ARAP1: variants seen among roughly 807,000 people sequenced by gnomAD.
The protein encoded by ARAP1 is arf-GAP with Rho-GAP domain, ANK repeat and PH domain-containing protein 1.
ARAP1 carries 76 observed loss-of-function variants against 172.2 expected under a neutral mutation model. The ratio of observed to expected loss-of-function variants is 0.44; its 90% confidence interval spans 0.37 to 0.53. ARAP1 has a LOEUF of 0.53. Among genes scored for constraint, ARAP1 ranks in the 20% least tolerant of loss-of-function variants. The pLI is 0.00. For synonymous variants in ARAP1, 804 were observed against 803.3 expected, an observed-to-expected ratio of 1.00 and a Z score of -0.01; for missense variants, 1,686 against 1,977.5, an observed-to-expected ratio of 0.85 and a Z score of 2.80.
At chr11:72,727,753 T>G (rs1240536900) in intron 2 of ARAP1, among the ~76,000 whole-genome samples, 1 of 152,238 alleles carries the variant, frequency 6.6e-6, no homozygotes, top group Non-Finnish European at 1.5e-5. Flanking sequence ...TCACATGGCC[T>G]CTGGGGGCCT....
In ARAP1 at chr11:72,695,745, GA is replaced by G. The variant is rs1856160353; in HGVS notation, c.3392del (p.Leu1131ProfsTer27). 6.2e-7 allele frequency: 1 copy of G among 1,614,092 alleles called. No homozygotes were observed. Among genetic ancestry groups the G allele is most frequent in the Non-Finnish European group, 8.5e-7 (1 of 1,180,042 alleles). ...DYKAGRVVEDLINHYVVVFSV... is the reference protein window; with the variant it reads ...DYKAGRVVEDXINHYVVVFSV... ...TAAACACCACCACATAGTGGTTAAT[GA>G]GGTCTTCCACCACACGGCCAGCCTT... On this transcript the variant is annotated frameshift_variant, in exon 24 of 35. Transcript: ENST00000393609. LOFTEE classifies it high-confidence loss of function. This position sits in a 1 kb window ranked among gnomAD's most constrained non-coding sequence, Gnocchi z 4.4.
intron 15 of ARAP1, among the ~76,000 whole-genome samples, chr11:72,702,562 G>A (rs1157247330): frequency 6.6e-6 from 1 of 152,188 alleles, no homozygotes; most frequent in Non-Finnish European, 1.5e-5. Context: ...CAGCAACACA[G>A]ACACACTCTG....
In ARAP1 at chr11:72,727,053, G is replaced by T. The variant is rs753434475; in HGVS notation, c.76C>A (p.Leu26Ile). 14 of 1,610,732 alleles carry T rather than the reference G, an allele frequency of 8.7e-6. No homozygotes were observed. Among genetic ancestry groups the T allele is most frequent in the Non-Finnish European group, 1.2e-5 (14 of 1,178,568 alleles). The change falls in exon 3 of 35, where the codon CTC becomes ATC. Residue 26 changes from leucine to isoleucine, a missense_variant. By Grantham distance (5) the Leu-to-Ile change is conservative (BLOSUM62 2). This residue lies in a region of ARAP1 where 190 missense variants were observed against 228.6 expected (regional missense o/e 0.83). Transcript: ENST00000393609. ...RALHLEQYTGLFEQHGLVWAT... is the reference protein window; with the variant it reads ...RALHLEQYTGIFEQHGLVWAT... ...CACACCAGGCCATGCTGCTCAAAGA[G>T]CCCCGTGTACTGCTCCAGGTGCAAT...
chr11:72,709,863 G>A lies in ARAP1; in HGVS notation c.1523+7C>T, dbSNP rs1306494513. ...GATGCCGGTGAGCCAAGAAGATGGAGGGTCACCTGAAGATGCGGTAGGGCG... is the reference window on the plus strand; with the variant it reads ...GATGCCGGTGAGCCAAGAAGATGGAAGGTCACCTGAAGATGCGGTAGGGCG... On this transcript the variant is annotated splice_region_variant and intron_variant, in intron 11 of 34. Coordinates refer to ENST00000393609, the MANE Select transcript of ARAP1 (RefSeq NM_001040118.3). 1.2e-6 allele frequency: 2 copies of A among 1,613,728 alleles called. No individual in the cohort carries two copies. The highest frequency in any genetic ancestry group is 1.3e-5 in the African/African-American group (1 of 74,894).
At chr11:72,713,842 A>G (rs75210689) in intron 4 of ARAP1, among the ~76,000 whole-genome samples, 41 of 140,930 alleles carry the variant, frequency 2.9e-4, no homozygotes, top group African/African-American at 1.1e-3. Flanking sequence ...GCGAGACTCC[A>G]TCTCAAAAAA....
intron 1 of ARAP1, among the ~76,000 whole-genome samples, chr11:72,743,218 C>T (rs183576396): frequency 5.9e-5 from 9 of 152,318 alleles, no homozygotes; most frequent in East Asian, 1.9e-4. Flanking sequence ...GCTAGGACAA[C>T]GTCAAGAAAA....
chr11:72,731,177 T>C (rs535796103), intron 2 of ARAP1, among the ~76,000 whole-genome samples: 4 of 152,194 alleles, frequency 2.6e-5, no homozygotes, highest in South Asian at 4.1e-4. Context: ...CAGTGGAAGA[T>C]GCAGAGTTCA....
intron 2 of ARAP1, among the ~76,000 whole-genome samples, chr11:72,727,492 G>A (rs1396138409): frequency 6.6e-6 from 1 of 152,208 alleles, no homozygotes; most frequent in Non-Finnish European, 1.5e-5. Flanking sequence ...ACTGCCGTGA[G>A]AATGGCCAGT....
Position 72,693,124 on chromosome 11 carries a change from A to G in ARAP1, c.3954+201T>C. 1 of 783,614 alleles carries G rather than the reference A, an allele frequency of 1.3e-6. No individual in the cohort carries two copies. The highest frequency in any genetic ancestry group is 2.0e-6 in the Non-Finnish European group (1 of 502,454). 48.5% of individuals were successfully genotyped at this position (783,614 alleles called of 1,614,324 possible). On this transcript the variant is annotated intron_variant, in intron 29 of 34. Transcript: ENST00000393609. This position sits in a 1 kb window ranked among gnomAD's most constrained non-coding sequence, Gnocchi z 4.6. Reference sequence around the variant, plus strand: ...TGATGGCATCCGGGTGCCAGGGCTTAGTGGGGCTACAGGGCACACTAGAGT... The same window carrying G: ...TGATGGCATCCGGGTGCCAGGGCTTGGTGGGGCTACAGGGCACACTAGAGT...
In ARAP1 at chr11:72,695,774, A is replaced by T. The variant is rs767717922; in HGVS notation, c.3364T>A (p.Tyr1122Asn). The T allele has an allele frequency of 5.0e-6, 8 of 1,614,208 alleles. No homozygotes were observed. Among genetic ancestry groups the T allele is most frequent in the South Asian group, 3.3e-5 (3 of 91,072 alleles). The change falls in exon 24 of 35, where the codon TAC (tyrosine) becomes AAC (asparagine). Residue 1122 changes from tyrosine (Y) to asparagine (N), a missense_variant. Tyr to Asn is a moderately radical substitution (Grantham distance 143). Coordinates refer to ENST00000393609, the MANE Select transcript of ARAP1 (RefSeq NM_001040118.3). This position sits in a 1 kb window ranked among gnomAD's most constrained non-coding sequence, Gnocchi z 4.4. Reference protein sequence around the residue: ...PTLFQTDGQDYKAGRVVEDLI... With the variant: ...PTLFQTDGQDNKAGRVVEDLI... ...TCTTCCACCACACGGCCAGCCTTGT[A>T]GTCCTGCCCATCTGTCTGGAAGAGC...
Position 72,726,978 on chromosome 11 carries a change from T to G in ARAP1, c.151A>C (p.Met51Leu). The change falls in exon 3 of 35, where the codon ATG becomes CTG. Residue 51 changes from methionine (M) to leucine (L), a missense_variant. This residue lies in a region of ARAP1 where 190 missense variants were observed against 228.6 expected (regional missense o/e 0.83). Transcript: ENST00000393609. This position sits in a 1 kb window ranked among gnomAD's most constrained non-coding sequence, Gnocchi z 6.5. ...LSDTRLMDMGMLLPGHRRRIL... is the reference protein window; with the variant it reads ...LSDTRLMDMGLLLPGHRRRIL... ...CGGCGGCGGTGACCAGGGAGTAGCA[T>G]GCCCATGTCCATCAGGCGGGTGTCG... is the stretch of plus-strand genomic sequence containing the variant. The G allele has an allele frequency of 9.3e-6, 15 of 1,604,580 alleles. No individual in the cohort carries two copies. Among genetic ancestry groups the G allele is most frequent in the Non-Finnish European group, 1.2e-5 (14 of 1,175,990 alleles).
intron 1 of ARAP1, among the ~76,000 whole-genome samples, chr11:72,740,482 T>TA (rs1257529043): frequency 6.6e-6 from 1 of 152,224 alleles, no homozygotes; most frequent in Non-Finnish European, 1.5e-5. Flanking sequence ...AAAAAAATGA[T>TA]AAACATGTTT....
rs201934838 is a variant in ARAP1 at position 72,712,252 on chromosome 11, G to A, written c.966C>T (p.Ser322=). ...PHPMDGPPGG[S]TPVTPVIKAG... The stretch of plus-strand genomic sequence containing the variant: ...CCTTGATGACTGGTGTGACGGGGGT[G>A]GAGCCCCCAGGCGGCCCGTCCATGG... The change falls in exon 7 of 35, where the codon TCC becomes TCT. Residue 322 remains serine (S), a synonymous_variant. Transcript: ENST00000393609. The A allele has an allele frequency of 4.4e-6, 7 of 1,606,408 alleles. No homozygotes were observed. The highest frequency in any genetic ancestry group is 1.1e-5 in the South Asian group (1 of 90,218).
Position 72,702,913 on chromosome 11 carries a change from C to T in ARAP1, c.2159G>A (p.Arg720Gln), listed in dbSNP as rs199608630. ...CCCTCTGCCACGCTCACCTGTGGTC[C>T]GGTTGTTCCGAAGGAATTCCATCTG... is the stretch of plus-strand genomic sequence containing the variant. The part of the protein sequence containing the change: ...TLQMEFLRNN[R>Q]TTEVPRLDSM... Residue 720 changes from arginine to glutamine, a missense_variant, in exon 15 of 35, where the codon CGG (arginine) becomes CAG (glutamine). This residue lies in a region of ARAP1 where 688 missense variants were observed against 856.9 expected (regional missense o/e 0.80). Coordinates refer to ENST00000393609, the MANE Select transcript of ARAP1 (RefSeq NM_001040118.3). The T allele has an allele frequency of 1.9e-5, 29 of 1,553,990 alleles. No homozygotes were observed. Among genetic ancestry groups the T allele is most frequent in the South Asian group, 1.1e-4 (9 of 84,302 alleles).
chr11:72,687,199 T>G, intron 33 of ARAP1: 2 of 564,104 alleles, frequency 3.5e-6, no homozygotes, highest in Non-Finnish European at 6.4e-6. Context: ...CCTGTCCACA[T>G]GAGGGGTGCC....
chr11:72,711,379 G>A (rs1476366375), intron 8 of ARAP1, 51 bp downstream of exon 8: 3 of 1,573,496 alleles, frequency 1.9e-6, no homozygotes, highest in East Asian at 4.5e-5. Context: ...CCAGTGTTGG[G>A]GCCAGCCTAG....
chr11:72,692,670 T>G, intron 30 of ARAP1, 83 bp downstream of exon 30: 1 of 1,570,296 alleles, frequency 6.4e-7, no homozygotes, highest in East Asian at 2.2e-5. Context: ...CCAGGAGCCC[T>G]GGCTGTCTCC....
intron 4 of ARAP1, among the ~76,000 whole-genome samples, chr11:72,713,922 G>T (rs933090334): frequency 2.6e-5 from 4 of 152,124 alleles, no homozygotes; most frequent in Non-Finnish European, 5.9e-5. Flanking sequence ...GGCAAAGCCG[G>T]CCATGGCCCC....
At chr11:72,744,718 T>A (rs925133208) in intron 1 of ARAP1, among the ~76,000 whole-genome samples, 7 of 152,164 alleles carry the variant, frequency 4.6e-5, no homozygotes, top group African/African-American at 1.7e-4. Context: ...TTAGAGATAC[T>A]GGAGCAACCT....
Sources: allele counts gnomAD v4.1 joint callset (sites outside exome capture counted in the v4.1 genomes callset), GRCh38; gene constraint gnomAD v4.1.1; regional missense constraint gnomAD v4.1.1; non-coding constraint Gnocchi (gnomAD v3.1); transcripts MANE v1.5; gene names NCBI Gene and HGNC (gene_info 2026-07-23, HGNC 2026-07-21).